DCC: variants seen among roughly 807,000 people sequenced by gnomAD.
The protein encoded by DCC is netrin receptor DCC.
In DCC, 58 loss-of-function variants were observed where a neutral mutation model predicts 172.5. The observed-to-expected ratio is 0.34, with a 90% CI of 0.27 to 0.42. The LOEUF is 0.42. Ranked by LOEUF, DCC falls within the 10% of genes least tolerant of loss-of-function variation. DCC has a pLI of 1.00. For missense variants in DCC, 1,740 were observed against 1,791.0 expected (o/e 0.97, Z 0.51); for synonymous variants, 709 against 644.5 (o/e 1.10, Z -1.52).
At chr18:53,339,386 G>C (rs866606055) in intron 14 of DCC, among the ~76,000 whole-genome samples, 1 of 151,910 alleles carries the variant, frequency 6.6e-6, no homozygotes, top group Non-Finnish European at 1.5e-5. Context: ...CATCTGCCTT[G>C]GTTTTCACCC....
At chr18:52,819,129 A>G (rs1323557648) in intron 2 of DCC, among the ~76,000 whole-genome samples, 3 of 152,178 alleles carry the variant, frequency 2.0e-5, no homozygotes, top group East Asian at 3.9e-4. Context: ...CCCCTGATTA[A>G]CAATACAATC....
At chr18:52,842,340 A>G (rs2145320429) in intron 2 of DCC, among the ~76,000 whole-genome samples, 1 of 152,294 alleles carries the variant, frequency 6.6e-6, no homozygotes, top group Middle Eastern at 3.4e-3. Context: ...ACTGTCTTCA[A>G]GTTGGAGACC....
chr18:53,435,934 A>G (rs1911913003), intron 22 of DCC, among the ~76,000 whole-genome samples: 1 of 152,202 alleles, frequency 6.6e-6, no homozygotes, highest in South Asian at 2.1e-4. Context: ...AGGCCATGTT[A>G]TAAGTTTCTT....
intron 8 of DCC, among the ~76,000 whole-genome samples, chr18:53,173,971 C>A (rs1328433006): frequency 1.2e-5 from 1 of 86,870 alleles, no homozygotes; most frequent in African/African-American, 4.8e-5. Flanking sequence ...GAAATTATAA[C>A]AAACTATCTC....
At chr18:53,192,414 A>C (rs1379746341) in intron 9 of DCC, among the ~76,000 whole-genome samples, 3 of 152,172 alleles carry the variant, frequency 2.0e-5, no homozygotes, top group Non-Finnish European at 4.4e-5. Flanking sequence ...TCAGAAAAAA[A>C]GTACTGTAGC....
rs1326038662 is a variant in DCC at position 53,101,142 on chromosome 18, G to A, written c.1261+34976G>A. 3.9e-5 allele frequency among the ~76,000 whole-genome samples: 6 copies of A among 152,062 alleles called. No individual in the cohort carries two copies. In the East Asian group the frequency reaches 1.2e-3, roughly 29 times the overall value. On this transcript the variant is annotated intron_variant, in intron 7 of 28. Transcript: ENST00000442544. The stretch of plus-strand genomic sequence containing the variant: ...TCGAATAGGAAATAATTATAATCAT[G>A]AAATACTCTCACAGAGGCATCTCCT...
intron 9 of DCC, among the ~76,000 whole-genome samples, chr18:53,189,716 T>G (rs1420200483): frequency 6.6e-6 from 1 of 152,170 alleles, no homozygotes; most frequent in Non-Finnish European, 1.5e-5. Flanking sequence ...ACATAGCACT[T>G]TCTGAATATT....
intron 7 of DCC, among the ~76,000 whole-genome samples, chr18:53,067,385 A>G (rs10048385): frequency 0.02 from 3,104 of 152,076 alleles, 39 homozygotes; most frequent in Middle Eastern, 0.034. Context: ...TATATTTAAA[A>G]ACAGGCAGCC....
intron 5 of DCC, among the ~76,000 whole-genome samples, chr18:52,997,623 G>T (rs573712244): frequency 2.6e-5 from 4 of 152,052 alleles, no homozygotes; most frequent in East Asian, 3.9e-4. Context: ...TGTGCATTGT[G>T]CAGTATGGTA....
At chr18:52,450,698 G>A (rs1988275977) in intron 1 of DCC, among the ~76,000 whole-genome samples, 1 of 152,102 alleles carries the variant, frequency 6.6e-6, no homozygotes, top group Admixed American at 6.6e-5. Context: ...TCACCAATAT[G>A]TCTCCTGGGC....
chr18:52,906,359 T>C (rs771571707), intron 3 of DCC, 31 bp downstream of exon 3: 4 of 1,609,746 alleles, frequency 2.5e-6, no homozygotes, highest in Admixed American at 1.7e-5. Flanking sequence ...GCCTTCAGAA[T>C]GATATTCTCT....
intron 1 of DCC, among the ~76,000 whole-genome samples, chr18:52,459,456 T>TTTTCTTTCTTTCTTTCTTTCTTTC (rs113006148): frequency 4.4e-4 from 67 of 151,120 alleles, no homozygotes; most frequent in East Asian, 4.1e-3. Context: ...CAGTATTTGG[T>TTTTCTTTCTTTCTTTCTTTCTTTC]TTTCTTTCTT....
chr18:52,795,852 G>T (rs1325628519), intron 2 of DCC, among the ~76,000 whole-genome samples: 3 of 151,748 alleles, frequency 2.0e-5, no homozygotes, highest in Admixed American at 2.0e-4. Flanking sequence ...TGCAATAGTT[G>T]CTCAGGACCA....
intron 2 of DCC, among the ~76,000 whole-genome samples, chr18:52,817,396 C>T (rs1039371467): frequency 7.2e-5 from 11 of 152,014 alleles, no homozygotes; most frequent in African/African-American, 2.4e-4. Context: ...ATTTTAATGC[C>T]AGTCCTTCAG....
At chr18:53,352,085 G>A (rs1388734971) in intron 15 of DCC, among the ~76,000 whole-genome samples, 1 of 151,968 alleles carries the variant, frequency 6.6e-6, no homozygotes, top group Non-Finnish European at 1.5e-5. Context: ...TGCAGATAGA[G>A]CACTCTATTG....
intron 1 of DCC, among the ~76,000 whole-genome samples, chr18:52,501,648 G>T (rs1452775863): frequency 6.6e-6 from 1 of 152,108 alleles, no homozygotes; most frequent in Non-Finnish European, 1.5e-5. Context: ...GTTGGAGAAC[G>T]CTACCTGAGA....
intron 19 of DCC, 133 bp from the exon 20 acceptor site, chr18:53,410,319 C>A: frequency 1.5e-6 from 1 of 678,438 alleles, no homozygotes; most frequent in Non-Finnish European, 2.7e-6. Context: ...ACATTACTTA[C>A]AGAACTGCTG....
chr18:52,803,745 T>C lies in DCC; in HGVS notation c.412+51371T>C, dbSNP rs538926718. Among the ~76,000 whole-genome samples the C allele has an allele frequency of 2.0e-5, 3 of 152,316 alleles. No individual in the cohort carries two copies. In the South Asian group the frequency reaches 6.2e-4, roughly 32 times the overall value. On this transcript the variant is annotated intron_variant, in intron 2 of 28. Coordinates refer to ENST00000442544, the MANE Select transcript of DCC (RefSeq NM_005215.4). ...CTAGGTTGCTCAAGAGTCAGTTCTT[T>C]ATATAATTTGCCTTAGAGAAACAAC... is the stretch of plus-strand genomic sequence containing the variant.
At chr18:53,501,526 T>G (rs1393896695) in intron 27 of DCC, among the ~76,000 whole-genome samples, 3 of 152,182 alleles carry the variant, frequency 2.0e-5, no homozygotes, top group African/African-American at 7.2e-5. Flanking sequence ...ATATATTTTC[T>G]CATCAGATTT....
Sources: allele counts gnomAD v4.1 joint callset (sites outside exome capture counted in the v4.1 genomes callset), GRCh38; gene constraint gnomAD v4.1.1; transcripts MANE v1.5; gene names NCBI Gene and HGNC (gene_info 2026-07-23, HGNC 2026-07-21).